The following ANP32A variants were observed in gnomAD, a reference collection of about 807,000 sequenced individuals.
ANP32A encodes acidic nuclear phosphoprotein 32 family member A.
A neutral mutation model predicts 33.9 loss-of-function variants in ANP32A; 1 was observed. That is an observed-to-expected ratio of 0.03 (90% CI 0.01 to 0.14). The LOEUF is 0.14. Among genes scored for constraint, ANP32A ranks in the 10% least tolerant of loss-of-function variants. The probability of loss-of-function intolerance (pLI) is 1.00; values close to 1 mark genes in which losing one functional copy is unlikely to be tolerated. For synonymous variants in ANP32A, 115 were observed against 120.5 expected (o/e 0.95, Z 0.30); for missense variants, 155 against 306.0 (o/e 0.51, Z 3.68).
chr15:68,819,613 CATTT>C, intron 1 of ANP32A, among the ~76,000 whole-genome samples: 1 of 152,324 alleles, frequency 6.6e-6, no homozygotes, highest in African/African-American at 2.4e-5. Context: ...TTCCCGTGCC[CATTT>C]ATTAAGCAGG....
chr15:68,780,563 C>A lies in ANP32A; in HGVS notation c.625-90G>T. On this transcript the variant is annotated intron_variant, in intron 5 of 6. Coordinates refer to ENST00000465139, the MANE Select transcript of ANP32A (RefSeq NM_006305.4). The surrounding 1 kb of genome is among the most constrained non-coding windows in gnomAD (Gnocchi z 4.3). ...ACACAGAGCACAAAAAGGCCGGGGT[C>A]ACCCCCAGCCTCTCAGAGCCCCCAC... is the stretch of plus-strand genomic sequence containing the variant. 3 of 1,554,234 alleles carry A rather than the reference C, an allele frequency of 1.9e-6. No homozygotes were observed. Among genetic ancestry groups the A allele is most frequent in the South Asian group, 1.2e-5 (1 of 82,586 alleles).
chr15:68,814,816 C>T (rs1894359027), intron 1 of ANP32A, among the ~76,000 whole-genome samples: 1 of 152,178 alleles, frequency 6.6e-6, no homozygotes, highest in Non-Finnish European at 1.5e-5. Context: ...AAGATCTGGG[C>T]TCTGAAAGGC....
intron 1 of ANP32A, among the ~76,000 whole-genome samples, chr15:68,819,092 G>T (rs912425247): frequency 6.6e-6 from 1 of 152,198 alleles, no homozygotes; most frequent in Non-Finnish European, 1.5e-5. Context: ...CAGGTTTGGG[G>T]GAGGAACTAG....
rs1893826856 is a variant in ANP32A, at chr15:68,778,849, A to C, written c.*1232T>G. On this transcript the variant is annotated 3_prime_UTR_variant, in exon 7 of 7. Transcript: ENST00000465139. Reference sequence around the variant, plus strand: ...CCCCCTCACCTAGCAGTTCATCTGGAATGCATCTTGAAAAGATCAATGGCC... The same window carrying C: ...CCCCCTCACCTAGCAGTTCATCTGGCATGCATCTTGAAAAGATCAATGGCC... The C allele has an allele frequency of 6.6e-6, 1 of 152,190 alleles. No homozygotes were observed. Among genetic ancestry groups the C allele is most frequent in the African/African-American group, 2.4e-5 (1 of 41,442 alleles). 9.4% of individuals were successfully genotyped at this position (152,190 alleles called of 1,614,324 possible). A position where few individuals can be genotyped will look rare whatever the true frequency, so the allele number is the denominator to read the frequency against.
intron 1 of ANP32A, among the ~76,000 whole-genome samples, chr15:68,808,658 T>C (rs1319411508): frequency 1.3e-5 from 2 of 152,188 alleles, no homozygotes; most frequent in Non-Finnish European, 2.9e-5. Context: ...GTTACATAAA[T>C]TGAAGATGAG....
intron 1 of ANP32A, among the ~76,000 whole-genome samples, chr15:68,812,599 AT>A (rs1449453677): frequency 6.6e-6 from 1 of 152,212 alleles, no homozygotes; most frequent in Non-Finnish European, 1.5e-5. Context: ...GCATCCTCTC[AT>A]TCCCCCAAAC....
rs145309917 is a variant in ANP32A, at chr15:68,796,360, C to G, written c.55-8441G>C. On this transcript the variant is annotated intron_variant, in intron 1 of 6. Transcript: ENST00000465139. Reference sequence around the variant, plus strand: ...CCTCCCAAAGTGCTGGGATTACAGGCGCCCACCATCACACCTGGCTAATTT... The same window carrying G: ...CCTCCCAAAGTGCTGGGATTACAGGGGCCCACCATCACACCTGGCTAATTT... Among the ~76,000 whole-genome samples the G allele has an allele frequency of 3.2e-3, 484 of 152,090 alleles. 3 individuals carry two copies. The highest frequency in any genetic ancestry group is 0.011 in the African/African-American group (458 of 41,356).
At chr15:68,811,063 GAAAAAAAA>G (rs34026847) in intron 1 of ANP32A, among the ~76,000 whole-genome samples, 54 of 118,006 alleles carry the variant, frequency 4.6e-4, no homozygotes, top group Middle Eastern at 4.6e-3. Flanking sequence ...CTCTGTCTGG[GAAAAAAAA>G]AAAAAAAAAA....
At chr15:68,796,017 T>C (rs1894059375) in intron 1 of ANP32A, among the ~76,000 whole-genome samples, 1 of 152,036 alleles carries the variant, frequency 6.6e-6, no homozygotes. Context: ...GGAGCTGCAG[T>C]GTGGAAAAGG....
intron 1 of ANP32A, among the ~76,000 whole-genome samples, chr15:68,814,879 G>A (rs1481585288): frequency 6.6e-6 from 1 of 152,184 alleles, no homozygotes; most frequent in Non-Finnish European, 1.5e-5. Context: ...AAGCCTCAAA[G>A]CTCTAACCGT....
chr15:68,783,781 C>T lies in ANP32A; in HGVS notation c.526+616G>A, dbSNP rs376244973. Among the ~76,000 whole-genome samples, 282 of 152,270 alleles carry T rather than the reference C, an allele frequency of 1.9e-3. 1 individual carries two copies. Among genetic ancestry groups the T allele is most frequent in the African/African-American group, 6.6e-3 (274 of 41,564 alleles). On this transcript the variant is annotated intron_variant, in intron 4 of 6. Transcript: ENST00000465139. ...CACACCACACTGCCAGGGAACCCAA[C>T]AAGTGGCCTGCAGTCCTCCACTTCT...
At chr15:68,787,707 G>A (rs1893950439) in intron 2 of ANP32A, 63 bp downstream of exon 2, 7 of 1,605,218 alleles carry the variant, frequency 4.4e-6, no homozygotes, top group South Asian at 3.3e-5. Context: ...TCTAAACATA[G>A]GTAATAACCC....
At position 68,780,012 on chromosome 15, in the gene ANP32A, G is replaced by GT. The variant is rs951246496; in HGVS notation, c.*68_*69insA. 3.5e-6 allele frequency: 5 copies of GT among 1,420,200 alleles called. No homozygotes were observed. The highest frequency in any genetic ancestry group is 3.7e-5 in the Admixed American group (2 of 53,940). 88.0% of individuals were successfully genotyped at this position (1,420,200 alleles called of 1,614,324 possible). A position where few individuals can be genotyped will look rare whatever the true frequency, so the allele number is the denominator to read the frequency against. On this transcript the variant is annotated 3_prime_UTR_variant, in exon 7 of 7. Coordinates refer to ENST00000465139, the MANE Select transcript of ANP32A (RefSeq NM_006305.4). This position sits in a 1 kb window ranked among gnomAD's most constrained non-coding sequence, Gnocchi z 4.3. ...GTTTCAGGGGGCAGGATTGGAGGGG[G>GT]GGGGGAGAGGGGATATGGGTAAAAA...
intron 1 of ANP32A, among the ~76,000 whole-genome samples, chr15:68,803,319 C>T (rs1246592597): frequency 1.3e-5 from 2 of 152,194 alleles, no homozygotes; most frequent in Non-Finnish European, 1.5e-5. Flanking sequence ...AGGGGTAAGC[C>T]TCCTCTTGTC....
chr15:68,782,323 AC>A (rs1893880092), intron 5 of ANP32A, among the ~76,000 whole-genome samples: 1 of 152,220 alleles, frequency 6.6e-6, no homozygotes, highest in African/African-American at 2.4e-5. Context: ...CCTCTTAACA[AC>A]CCTGTGAGAA....
chr15:68,804,529 T>G (rs1188547729), intron 1 of ANP32A, among the ~76,000 whole-genome samples: 1 of 152,240 alleles, frequency 6.6e-6, no homozygotes, highest in Admixed American at 6.5e-5. Flanking sequence ...AGTACAAAAA[T>G]GAAAATCTAG....
chr15:68,790,188 A>G (rs1893981981), intron 1 of ANP32A: 1 of 152,242 alleles, frequency 6.6e-6, no homozygotes, highest in Non-Finnish European at 1.5e-5. Flanking sequence ...AGCAAGGCAA[A>G]TATGAGAAGA....
chr15:68,811,608 A>G (rs963579156), intron 1 of ANP32A, among the ~76,000 whole-genome samples: 3 of 152,204 alleles, frequency 2.0e-5, no homozygotes, highest in African/African-American at 7.2e-5. Context: ...CTAGAGTCCA[A>G]TGTCAGGACT....
chr15:68,791,366 A>T (rs1018124419), intron 1 of ANP32A: 2 of 152,264 alleles, frequency 1.3e-5, no homozygotes, highest in Non-Finnish European at 2.9e-5. Context: ...TTCTTTTGTT[A>T]TAAGTGTTGG....
Sources: gnomAD v4.1 joint callset for allele counts (sites outside exome capture counted in the v4.1 genomes callset) on GRCh38, gnomAD v4.1.1 for gene constraint, Gnocchi (gnomAD v3.1) non-coding constraint, MANE v1.5 for transcripts, NCBI Gene and HGNC (gene_info 2026-07-23, HGNC 2026-07-21) for gene names.